SLC4A10: variants seen among roughly 807,000 people sequenced by gnomAD.
SLC4A10 encodes the protein sodium-driven chloride bicarbonate exchanger.
Under a neutral mutation model 137.7 loss-of-function variants are expected in SLC4A10, and 42 were observed. The ratio of observed to expected loss-of-function variants is 0.30; its 90% CI spans 0.24 to 0.39. The LOEUF is 0.39. Ranked by LOEUF, SLC4A10 falls within the 10% of genes least tolerant of loss-of-function variation. The probability of loss-of-function intolerance (pLI) is 1.00; values close to 1 mark genes in which losing one functional copy is unlikely to be tolerated. For synonymous variants in SLC4A10, 474 were observed against 464.1 expected, an observed-to-expected ratio of 1.02 and a Z score of -0.27; for missense variants, 925 against 1,355.0, an observed-to-expected ratio of 0.68 and a Z score of 4.98.
chr2:161,709,464 A>C (rs2125052354), intron 1 of SLC4A10, among the ~76,000 whole-genome samples: 1 of 151,702 alleles, frequency 6.6e-6, no homozygotes, highest in African/African-American at 2.4e-5. Flanking sequence ...TGAAATATTG[A>C]TGCTCTTGGT....
At chr2:161,703,332 A>T (rs1413671828) in intron 1 of SLC4A10, among the ~76,000 whole-genome samples, 2 of 151,740 alleles carry the variant, frequency 1.3e-5, no homozygotes, top group Admixed American at 1.3e-4. Context: ...ATAGAATACC[A>T]GTTAGCCATT....
At chr2:161,920,656 A>G (rs1559537065) in intron 15 of SLC4A10, among the ~76,000 whole-genome samples, 1 of 152,340 alleles carries the variant, frequency 6.6e-6, no homozygotes, top group African/African-American at 2.4e-5. Flanking sequence ...GTGACAAACC[A>G]TAGTATGAGC....
In SLC4A10 at chr2:161,965,407, T is replaced by C. The variant is rs534684075; in HGVS notation, c.3159+234T>C. Reference sequence around the variant, plus strand: ...AAATCCTAATGAAATATGGAAATACTTTGTACTAAAATACCCTCCAAATTG... The same window carrying C: ...AAATCCTAATGAAATATGGAAATACCTTGTACTAAAATACCCTCCAAATTG... On this transcript the variant is annotated intron_variant, in intron 23 of 26. Coordinates refer to ENST00000446997, the MANE Select transcript of SLC4A10 (RefSeq NM_001178015.2). Among the ~76,000 whole-genome samples, 12 of 152,322 alleles carry C rather than the reference T, an allele frequency of 7.9e-5. No homozygotes were observed. The South Asian group carries it at 2.5e-3, about 32-fold the overall frequency.
intron 1 of SLC4A10, among the ~76,000 whole-genome samples, chr2:161,700,135 G>C (rs1251227722): frequency 1.3e-5 from 2 of 152,164 alleles, no homozygotes; most frequent in Non-Finnish European, 1.5e-5. Context: ...GGTTTAGGTA[G>C]AGTAACTGAC....
At chr2:161,917,835 C>G (rs1329170183) in intron 15 of SLC4A10, among the ~76,000 whole-genome samples, 2 of 152,128 alleles carry the variant, frequency 1.3e-5, no homozygotes, top group African/African-American at 4.8e-5. Context: ...GTGCCCAGAT[C>G]AATTCCTGGC....
intron 9 of SLC4A10, among the ~76,000 whole-genome samples, chr2:161,880,430 T>TG (rs2061695170): frequency 6.6e-6 from 1 of 152,162 alleles, no homozygotes; most frequent in Non-Finnish European, 1.5e-5. Flanking sequence ...AGAGGCCTCA[T>TG]TTTTTAAGAG....
At chr2:161,629,028 A>G (rs2033018965) in intron 1 of SLC4A10, among the ~76,000 whole-genome samples, 1 of 151,968 alleles carries the variant, frequency 6.6e-6, no homozygotes, top group South Asian at 2.1e-4. Flanking sequence ...TTGCTTCAGA[A>G]GTCTAAACTG....
intron 1 of SLC4A10, among the ~76,000 whole-genome samples, chr2:161,748,035 A>G (rs2125286091): frequency 6.6e-6 from 1 of 152,140 alleles, no homozygotes; most frequent in Non-Finnish European, 1.5e-5. Context: ...GCACCTTTTC[A>G]TATATCTGCT....
At chr2:161,800,613 A>G (rs1368213114) in intron 2 of SLC4A10, among the ~76,000 whole-genome samples, 2 of 152,076 alleles carry the variant, frequency 1.3e-5, no homozygotes, top group East Asian at 3.9e-4. Flanking sequence ...CCAGAATATC[A>G]AAAGAATCAT....
chr2:161,932,375 A>G (rs759743793), intron 15 of SLC4A10, among the ~76,000 whole-genome samples: 20 of 152,224 alleles, frequency 1.3e-4, no homozygotes, highest in Non-Finnish European at 2.8e-4. Context: ...GGAGGCTACC[A>G]TGGGTATAAT....
At chr2:161,981,989 A>G (rs1559685613) in intron 26 of SLC4A10, among the ~76,000 whole-genome samples, 1 of 152,212 alleles carries the variant, frequency 6.6e-6, no homozygotes, top group African/African-American at 2.4e-5. Context: ...AAACAATTTA[A>G]AAAACACACT....
intron 7 of SLC4A10, among the ~76,000 whole-genome samples, chr2:161,873,580 T>G (rs768194854): frequency 3.3e-5 from 5 of 149,874 alleles, no homozygotes; most frequent in Non-Finnish European, 7.4e-5. Flanking sequence ...AGAAGGAGTT[T>G]GAATACTTGG....
intron 3 of SLC4A10, among the ~76,000 whole-genome samples, chr2:161,818,649 C>A (rs1296349550): frequency 6.6e-6 from 1 of 152,060 alleles, no homozygotes; most frequent in African/African-American, 2.4e-5. Flanking sequence ...TGAGATACAT[C>A]CCATCAATAC....
chr2:161,760,653 A>C (rs980303573), intron 1 of SLC4A10, among the ~76,000 whole-genome samples: 73 of 152,090 alleles, frequency 4.8e-4, no homozygotes, highest in African/African-American at 1.7e-3. Context: ...TCTTTTAAAA[A>C]TCAGCTCAAG....
intron 23 of SLC4A10, among the ~76,000 whole-genome samples, chr2:161,965,426 C>T (rs1697414760): frequency 6.6e-6 from 1 of 152,082 alleles, no homozygotes. Context: ...AAATACCCTC[C>T]AAATTGTAAG....
intron 19 of SLC4A10, among the ~76,000 whole-genome samples, chr2:161,951,781 C>T (rs1694847293): frequency 6.6e-6 from 1 of 151,956 alleles, no homozygotes; most frequent in African/African-American, 2.4e-5. Context: ...TGGGTCAATG[C>T]AAAAGTAATT....
chr2:161,760,835 T>C (rs531826097), intron 1 of SLC4A10, among the ~76,000 whole-genome samples: 4 of 151,840 alleles, frequency 2.6e-5, no homozygotes, highest in Admixed American at 6.6e-5. Flanking sequence ...GTGGCCCCAA[T>C]AGTACATAAG....
Position 161,965,066 on chromosome 2 carries a change from T to C in SLC4A10, c.3052T>C (p.Phe1018Leu). ...VFPMMVLALV[F>L]VRKLMDLLFT... ...TTTACTTCAGGTGTTAGCCCTGGTATTTGTAAGAAAGTTGATGGACTTGTT... is the reference window on the plus strand; with the variant it reads ...TTTACTTCAGGTGTTAGCCCTGGTACTTGTAAGAAAGTTGATGGACTTGTT... Residue 1018 changes from phenylalanine (F) to leucine (L), a missense_variant, in exon 23 of 27, where the codon TTT becomes CTT. Coordinates refer to ENST00000446997, the MANE Select transcript of SLC4A10 (RefSeq NM_001178015.2). The C allele has an allele frequency of 6.2e-7, 1 of 1,612,114 alleles. No individual in the cohort carries two copies. Among genetic ancestry groups the C allele is most frequent in the Non-Finnish European group, 8.5e-7 (1 of 1,178,712 alleles).
intron 15 of SLC4A10, among the ~76,000 whole-genome samples, chr2:161,936,327 A>AT (rs1351883294): frequency 6.6e-6 from 1 of 152,000 alleles, no homozygotes; most frequent in Non-Finnish European, 1.5e-5. Flanking sequence ...CTCTTCTTCA[A>AT]TTTTTTGAAA....
Sources: gnomAD v4.1 joint callset for allele counts (sites outside exome capture counted in the v4.1 genomes callset) on GRCh38, gnomAD v4.1.1 for gene constraint, MANE v1.5 for transcripts, NCBI Gene and HGNC (gene_info 2026-07-23, HGNC 2026-07-21) for gene names.